The following LRPAP1 variants were observed in gnomAD, a reference collection of about 807,000 sequenced individuals.
The protein encoded by LRPAP1 is alpha-2-macroglobulin receptor-associated protein.
LRPAP1 carries 41 observed loss-of-function variants against 39.9 expected under a neutral mutation model. The ratio of observed to expected loss-of-function variants is 1.03; its 90% confidence interval spans 0.80 to 1.33. The LOEUF (loss-of-function observed/expected upper bound fraction) is 1.33. Ranked by LOEUF, LRPAP1 falls within the 40% of genes most tolerant of loss-of-function variation. The probability of loss-of-function intolerance (pLI) is 0.00; values close to 1 mark genes in which losing one functional copy is unlikely to be tolerated. For synonymous variants in LRPAP1, 263 were observed against 212.7 expected (o/e 1.24, Z -2.06); for missense variants, 565 against 482.3 (o/e 1.17, Z -1.61).
Position 3,518,164 on chromosome 4 carries a change from C to T in LRPAP1, c.621G>A (p.Ser207=), listed in dbSNP as rs746046454. The change falls in exon 5 of 8, where the codon TCG becomes TCA. Residue 207 remains serine, a synonymous_variant. Transcript: ENST00000650182. ...CGCTGCCCTTGATGTCGCTCAGGTC[C>T]GAGGGGCTAATGACGTTCTCGTGGA... ...EEIHENVISP[S]DLSDIKGSVL... 15 of 1,612,862 alleles carry T rather than the reference C, an allele frequency of 9.3e-6. No individual in the cohort carries two copies. Among genetic ancestry groups the T allele is most frequent in the Admixed American group, 3.3e-5 (2 of 59,894 alleles).
chr4:3,531,901 C>G (rs1350415420), intron 1 of LRPAP1: 1 of 481,178 alleles, frequency 2.1e-6, no homozygotes, highest in African/African-American at 2.1e-5. Flanking sequence ...TGTGATCTAG[C>G]CTGGTTCTGT....
chr4:3,526,536 C>T (rs1577211441), intron 1 of LRPAP1, among the ~76,000 whole-genome samples: 2 of 152,352 alleles, frequency 1.3e-5, no homozygotes, highest in South Asian at 2.1e-4. Flanking sequence ...CGTCAAGAGC[C>T]GGCTGCCTTC....
At chr4:3,530,179 G>A (rs1045922175) in intron 1 of LRPAP1, among the ~76,000 whole-genome samples, 4 of 152,124 alleles carry the variant, frequency 2.6e-5, no homozygotes, top group Non-Finnish European at 4.4e-5. Context: ...CCTGGGCCCT[G>A]GCACGCTCGG....
Position 3,516,081 on chromosome 4 carries a change from G to GA in LRPAP1, c.834+34dup, listed in dbSNP as rs1491386124. On this transcript the variant is annotated intron_variant, in intron 6 of 7. Transcript: ENST00000650182. ...AACTGCAAGAGAATCTTCACCACAG[G>GA]AGAGAGCTAGAAGGAGAGGGCCGTG... 4 of 1,546,644 alleles carry GA rather than the reference G, an allele frequency of 2.6e-6. No homozygotes were observed. The African/African-American group carries it at 4.1e-5, about 16-fold the overall frequency.
intron 2 of LRPAP1, among the ~76,000 whole-genome samples, chr4:3,524,198 G>A (rs1323752207): frequency 6.6e-6 from 1 of 152,288 alleles, no homozygotes; most frequent in East Asian, 1.9e-4. Context: ...CGGAGGAGAG[G>A]GGTCCAAAAG....
chr4:3,532,066 G>T, intron 1 of LRPAP1, 143 bp downstream of exon 1: 1 of 896,516 alleles, frequency 1.1e-6, no homozygotes. Context: ...ACTTGGGGGA[G>T]GCTGTGCCAA....
chr4:3,520,388 C>T (rs1473149428), intron 2 of LRPAP1, among the ~76,000 whole-genome samples, 195 bp from the exon 3 acceptor site: 2 of 152,190 alleles, frequency 1.3e-5, no homozygotes, highest in Non-Finnish European at 2.9e-5. Context: ...TCTGTGGTCT[C>T]CCAGCACTTA....
At position 3,513,402 on chromosome 4, in the gene LRPAP1, G is replaced by A. The variant is rs879355557; in HGVS notation, c.1012-366C>T. Among the ~76,000 whole-genome samples the A allele has an allele frequency of 1.8e-3, 269 of 152,238 alleles. 1 individual carries two copies. Among genetic ancestry groups the A allele is most frequent in the Non-Finnish European group, 1.6e-3 (106 of 68,008 alleles). ...AGCTCACTGCAACCTCTGCCTCCCA[G>A]GCTCAAGTGATCCTCCCACCTCAGC... On this transcript the variant is annotated intron_variant, in intron 7 of 7. Transcript: ENST00000650182.
intron 1 of LRPAP1, 31 bp downstream of exon 1, chr4:3,532,178 C>T (rs1247336322): frequency 3.4e-6 from 4 of 1,188,508 alleles, no homozygotes; most frequent in Non-Finnish European, 3.5e-6. Flanking sequence ...CGCCCCCAGG[C>T]CCCGCTCCAC....
chr4:3,504,954 A>T lies in LRPAP1; in HGVS notation c.*8020T>A, dbSNP rs79380656. On this transcript the variant is annotated 3_prime_UTR_variant, in exon 8 of 8. Coordinates refer to ENST00000650182, the MANE Select transcript of LRPAP1 (RefSeq NM_002337.4). ...AGAGCAAGACTCCGTCTCAAGAAAA[A>T]AATAAATAACAAAGAACAGAAGACA... is the stretch of plus-strand genomic sequence containing the variant. Among the ~76,000 whole-genome samples the T allele has an allele frequency of 1.4e-5, 1 of 70,798 alleles. No homozygotes were observed. Among genetic ancestry groups the T allele is most frequent in the Middle Eastern group, 8.9e-3 (1 of 112 alleles). The allele number at this position is 70,798 out of a possible 152,430, so 46.4% of individuals were successfully genotyped here. A position where few individuals can be genotyped will look rare whatever the true frequency, so the allele number is the denominator to read the frequency against.
At position 3,520,199 on chromosome 4, in the gene LRPAP1, A is replaced by G; in HGVS notation, c.350-6T>C. On this transcript the variant is annotated splice_polypyrimidine_tract_variant and splice_region_variant and intron_variant, in intron 2 of 7. Coordinates refer to ENST00000650182, the MANE Select transcript of LRPAP1 (RefSeq NM_002337.4). Reference sequence around the variant, plus strand: ...ACCATACTTGGCCAAGATGACTAGGAGAGAGGGGAGGTTCTATTTGATATG... The same window carrying G: ...ACCATACTTGGCCAAGATGACTAGGGGAGAGGGGAGGTTCTATTTGATATG... 1 of 1,612,716 alleles carries G rather than the reference A, an allele frequency of 6.2e-7. No homozygotes were observed.
At chr4:3,513,148 G>A (rs1326177837) in intron 7 of LRPAP1, 112 bp from the exon 8 acceptor site, 2 of 763,404 alleles carry the variant, frequency 2.6e-6, no homozygotes, top group African/African-American at 3.5e-5. Context: ...CGCAAGCCCT[G>A]CACATCTGAC....
In LRPAP1 at chr4:3,532,010, C is replaced by A. The variant is rs1730269302; in HGVS notation, c.204+199G>T. On this transcript the variant is annotated intron_variant, in intron 1 of 7. Coordinates refer to ENST00000650182, the MANE Select transcript of LRPAP1 (RefSeq NM_002337.4). ...GCTTCACACGGCGTCGTCGCCGGCA[C>A]GGGTACCTTTCCTGCTGCAGAAGGG... 1.3e-5 allele frequency: 8 copies of A among 629,550 alleles called. No homozygotes were observed. The South Asian group carries it at 1.6e-4, about 13-fold the overall frequency. The allele number at this position is 629,550 out of a possible 1,614,324, so 39.0% of individuals were successfully genotyped here. A position where few individuals can be genotyped will look rare whatever the true frequency, so the allele number is the denominator to read the frequency against.
rs1246128146 is a variant in LRPAP1 at position 3,506,354 on chromosome 4, C to T, written c.*6620G>A. 6.6e-6 allele frequency: 1 copy of T among 151,054 alleles called. No homozygotes were observed. Among genetic ancestry groups the T allele is most frequent in the Non-Finnish European group, 1.5e-5 (1 of 67,902 alleles). 9.4% of individuals were successfully genotyped at this position (151,054 alleles called of 1,614,324 possible). ...GTGCTGGGATTCCAGGCGGGAGCCA[C>T]CCACACTTGGCTCAAGCTGGGTTTT... On this transcript the variant is annotated 3_prime_UTR_variant, in exon 8 of 8. Coordinates refer to ENST00000650182, the MANE Select transcript of LRPAP1 (RefSeq NM_002337.4).
intron 4 of LRPAP1, 89 bp from the exon 5 acceptor site, chr4:3,518,281 C>T: frequency 7.4e-7 from 1 of 1,346,678 alleles, no homozygotes; most frequent in Non-Finnish European, 1.0e-6. Flanking sequence ...TGCTGGGGAG[C>T]TCAAACTCGC....
intron 7 of LRPAP1, among the ~76,000 whole-genome samples, chr4:3,513,642 A>T (rs1729603548): frequency 6.6e-6 from 1 of 152,114 alleles, no homozygotes; most frequent in Admixed American, 6.5e-5. Flanking sequence ...ATGACCAGAG[A>T]GACTGGGACA....
At chr4:3,529,620 G>C (rs1184980390) in intron 1 of LRPAP1, among the ~76,000 whole-genome samples, 2 of 152,184 alleles carry the variant, frequency 1.3e-5, no homozygotes, top group African/African-American at 4.8e-5. Context: ...GCCCGCCTGT[G>C]AAAGAGGAAC....
chr4:3,529,516 C>T (rs1172669154), intron 1 of LRPAP1, among the ~76,000 whole-genome samples: 4 of 152,102 alleles, frequency 2.6e-5, no homozygotes, highest in Non-Finnish European at 5.9e-5. Context: ...GCAGAGTCCT[C>T]AGAAGTCGTC....
Position 3,503,658 on chromosome 4 carries a change from T to C in LRPAP1, c.*9316A>G, listed in dbSNP as rs1729266925. ...TTGAACTGAATGGCAGTGAAAACAC[T>C]ACACATCAAAACTTAGGGAAATGTG... On this transcript the variant is annotated 3_prime_UTR_variant, in exon 8 of 8. Coordinates refer to ENST00000650182, the MANE Select transcript of LRPAP1 (RefSeq NM_002337.4). 1 of 152,264 alleles carries C rather than the reference T, an allele frequency of 6.6e-6. No individual in the cohort carries two copies. Among genetic ancestry groups the C allele is most frequent in the Non-Finnish European group, 1.5e-5 (1 of 68,036 alleles). 9.4% of individuals were successfully genotyped at this position (152,264 alleles called of 1,614,324 possible). A position where few individuals can be genotyped will look rare whatever the true frequency, so the allele number is the denominator to read the frequency against.
Sources: gnomAD v4.1 joint callset for allele counts (sites outside exome capture counted in the v4.1 genomes callset) on GRCh38, gnomAD v4.1.1 for gene constraint, MANE v1.5 for transcripts, NCBI Gene and HGNC (gene_info 2026-07-23, HGNC 2026-07-21) for gene names.